Variants in MTUS2 observed in about 807,000 individuals in gnomAD.
The protein encoded by MTUS2 is microtubule associated scaffold protein 2.
In MTUS2, 40 loss-of-function variants were observed where a neutral mutation model predicts 114.1. The ratio of observed to expected loss-of-function variants is 0.35; its 90% CI spans 0.27 to 0.46. The LOEUF is 0.46. MTUS2 is among the 20% of genes least tolerant of loss of function. The probability of loss-of-function intolerance (pLI) is 1.00; values close to 1 mark genes in which losing one functional copy is unlikely to be tolerated. For synonymous variants in MTUS2, 688 were observed against 672.0 expected (o/e 1.02, Z -0.37); for missense variants, 1,679 against 1,705.4 (o/e 0.98, Z 0.27).
At chr13:28,975,070 C>A (rs1002906122) in intron 2 of MTUS2, among the ~76,000 whole-genome samples, 17 of 152,138 alleles carry the variant, frequency 1.1e-4, no homozygotes, top group African/African-American at 3.1e-4. Context: ...TTTGATCAAG[C>A]CCAGGAAATT....
intron 2 of MTUS2, among the ~76,000 whole-genome samples, chr13:28,916,994 C>G (rs1412039270): frequency 6.6e-6 from 1 of 151,796 alleles, no homozygotes; most frequent in East Asian, 1.9e-4. Flanking sequence ...TGAATTTTAT[C>G]AAATACATAT....
chr13:29,136,170 T>C (rs1472685096), intron 5 of MTUS2, among the ~76,000 whole-genome samples: 1 of 152,204 alleles, frequency 6.6e-6, no homozygotes, highest in African/African-American at 2.4e-5. Context: ...CTGCCCTCCT[T>C]TTAGCATTTC....
intron 5 of MTUS2, among the ~76,000 whole-genome samples, chr13:29,256,119 G>A (rs549252936): frequency 1.1e-4 from 17 of 152,212 alleles, no homozygotes; most frequent in Non-Finnish European, 2.1e-4. Context: ...CATCTTAGAA[G>A]GGCACTGGAG....
intron 9 of MTUS2, among the ~76,000 whole-genome samples, chr13:29,475,252 T>C (rs1840356741): frequency 6.6e-6 from 1 of 152,196 alleles, no homozygotes; most frequent in Non-Finnish European, 1.5e-5. Context: ...ATCTTTGTGG[T>C]GATGCTGGTA....
intron 5 of MTUS2, among the ~76,000 whole-genome samples, chr13:29,131,669 A>G (rs1278359706): frequency 6.6e-6 from 1 of 152,264 alleles, no homozygotes; most frequent in Non-Finnish European, 1.5e-5. Context: ...GAAAGATGAG[A>G]GGCTGCACTC....
intron 5 of MTUS2, among the ~76,000 whole-genome samples, chr13:29,168,888 C>CTGTGTGTG (rs57636866): frequency 0.022 from 3,037 of 138,434 alleles, 89 homozygotes; most frequent in African/African-American, 0.072. Context: ...CTTTATGAAT[C>CTGTGTGTG]TGTGTGTGTG....
chr13:28,846,177 C>T (rs1192264350), intron 2 of MTUS2, among the ~76,000 whole-genome samples: 1 of 151,790 alleles, frequency 6.6e-6, no homozygotes. Flanking sequence ...ATTTACATAA[C>T]TGCACTGATC....
chr13:28,975,618 A>G (rs1353524215), intron 2 of MTUS2, among the ~76,000 whole-genome samples: 1 of 152,232 alleles, frequency 6.6e-6, no homozygotes, highest in Non-Finnish European at 1.5e-5. Flanking sequence ...TCTGGACATA[A>G]TAACATCTGT....
At chr13:28,888,343 A>G (rs1437396647) in intron 2 of MTUS2, among the ~76,000 whole-genome samples, 2 of 152,196 alleles carry the variant, frequency 1.3e-5, no homozygotes, top group African/African-American at 4.8e-5. Context: ...GAGAGAACAG[A>G]AAGAGTGATG....
intron 5 of MTUS2, among the ~76,000 whole-genome samples, chr13:29,200,642 T>G (rs1408623134): frequency 2.0e-5 from 3 of 149,302 alleles, no homozygotes; most frequent in Non-Finnish European, 3.0e-5. Flanking sequence ...TGCCTTAGCC[T>G]CCCAAGTAGT....
chr13:28,832,065 C>G (rs1198938095), intron 1 of MTUS2, among the ~76,000 whole-genome samples: 2 of 152,026 alleles, frequency 1.3e-5, no homozygotes, highest in African/African-American at 4.8e-5. Flanking sequence ...TGCCTGGCAT[C>G]AATACCTCAT....
chr13:29,146,351 A>T (rs1160384178), intron 5 of MTUS2, among the ~76,000 whole-genome samples: 2 of 152,338 alleles, frequency 1.3e-5, no homozygotes, highest in African/African-American at 4.8e-5. Context: ...ATTTAAAATG[A>T]TGTAACTTTA....
chr13:29,471,688 G>A (rs1458489101), intron 9 of MTUS2, among the ~76,000 whole-genome samples: 4 of 151,410 alleles, frequency 2.6e-5, no homozygotes, highest in African/African-American at 9.7e-5. Flanking sequence ...CACTGGAGGC[G>A]TGGACAAGAG....
At chr13:28,869,122 A>C (rs1290212289) in intron 2 of MTUS2, among the ~76,000 whole-genome samples, 1 of 152,208 alleles carries the variant, frequency 6.6e-6, no homozygotes, top group East Asian at 1.9e-4. Flanking sequence ...CCCATTCACA[A>C]AGAAGAACCA....
chr13:29,428,692 T>C (rs1876752897), intron 8 of MTUS2: 1 of 1,322,760 alleles, frequency 7.6e-7, no homozygotes, highest in South Asian at 1.4e-5. Flanking sequence ...ATTCCTGAAG[T>C]TTAGGAGAAA....
chr13:29,497,365 C>A (rs1423267136), intron 13 of MTUS2, 29 bp downstream of exon 13: 1 of 1,584,918 alleles, frequency 6.3e-7, no homozygotes, highest in Non-Finnish European at 8.6e-7. Context: ...GCTTCCAGCC[C>A]CGCAGGAACC....
intron 5 of MTUS2, among the ~76,000 whole-genome samples, chr13:29,103,155 A>G (rs1479724313): frequency 1.3e-5 from 2 of 152,216 alleles, no homozygotes; most frequent in African/African-American, 4.8e-5. Flanking sequence ...TGTCATGCAG[A>G]GTAGATGTTT....
At chr13:29,089,578 C>T (rs1431955135) in intron 4 of MTUS2, among the ~76,000 whole-genome samples, 1 of 152,224 alleles carries the variant, frequency 6.6e-6, no homozygotes, top group Non-Finnish European at 1.5e-5. Flanking sequence ...CTTCATCTCT[C>T]TGAGGAATGC....
At chr13:29,368,209 A>G (rs912184911) in intron 8 of MTUS2, among the ~76,000 whole-genome samples, 2 of 151,686 alleles carry the variant, frequency 1.3e-5, no homozygotes, top group African/African-American at 2.4e-5. Flanking sequence ...AAGTGCTGGT[A>G]TTATGGGCGT....
Sources: allele counts gnomAD v4.1 joint callset (sites outside exome capture counted in the v4.1 genomes callset), GRCh38; gene constraint gnomAD v4.1.1; transcripts MANE v1.5; gene names NCBI Gene and HGNC (gene_info 2026-07-23, HGNC 2026-07-21).